Variants in SMTN observed in about 807,000 individuals in gnomAD.
The protein encoded by SMTN is smoothelin.
A neutral mutation model predicts 102.0 loss-of-function variants in SMTN; 58 were observed. The ratio of observed to expected loss-of-function variants is 0.57; its 90% CI spans 0.46 to 0.71. The LOEUF (loss-of-function observed/expected upper bound fraction) is 0.71, where lower values mean the gene tolerates loss of function less well. SMTN is among the 30% of genes least tolerant of loss of function. SMTN has a pLI of 0.00. For synonymous variants in SMTN, 478 were observed against 497.9 expected (o/e 0.96, Z 0.53); for missense variants, 1,185 against 1,241.7 (o/e 0.95, Z 0.69).
chr22:31,070,652 G>A (rs11705250), intron 1 of SMTN, among the ~76,000 whole-genome samples: 34,969 of 151,514 alleles, frequency 0.23, 5,233 homozygotes, highest in African/African-American at 0.43. Flanking sequence ...AGCCGGGCAC[G>A]ATGGCTCATG....
At chr22:31,090,743 A>G in intron 8 of SMTN, 65 bp from the exon 9 acceptor site, 1 of 1,262,862 alleles carries the variant, frequency 7.9e-7, no homozygotes, top group Non-Finnish European at 1.2e-6. Flanking sequence ...TGAAAGGTGG[A>G]CACCCACTAT....
intron 2 of SMTN, among the ~76,000 whole-genome samples, chr22:31,083,886 G>A (rs921989548): frequency 6.6e-6 from 1 of 152,228 alleles, no homozygotes; most frequent in African/African-American, 2.4e-5. Flanking sequence ...GGAAAGTCAA[G>A]GCTGGACGAG....
At chr22:31,099,039 T>C (rs750777311) in intron 17 of SMTN, 23 bp from the exon 18 acceptor site, 1 of 1,603,136 alleles carries the variant, frequency 6.2e-7, no homozygotes, top group South Asian at 1.1e-5. Flanking sequence ...TCGTGTGACC[T>C]GGTCCTGACA....
rs559032720 is a variant in SMTN at position 31,094,614 on chromosome 22, G to A, written c.1633-689G>A. Among the ~76,000 whole-genome samples, 32 of 151,900 alleles carry A rather than the reference G, an allele frequency of 2.1e-4. 1 individual carries two copies. In the East Asian group the frequency reaches 2.3e-3, roughly 11 times the overall value. ...TCCCAGGCTGCATCACACTTAGAGA[G>A]AGACTGTGGGCAAGTCAGTTAGCTG... On this transcript the variant is annotated intron_variant, in intron 11 of 20. Transcript: ENST00000333137.
intron 1 of SMTN, chr22:31,067,788 G>A (rs2041894844): frequency 6.6e-6 from 1 of 152,106 alleles, no homozygotes; most frequent in South Asian, 2.1e-4. Context: ...TCGATCTCCT[G>A]ACCTTGTGAT....
chr22:31,098,983 G>A, intron 17 of SMTN, 79 bp from the exon 18 acceptor site: 1 of 1,541,816 alleles, frequency 6.5e-7, no homozygotes, highest in Non-Finnish European at 8.9e-7. Context: ...TGGAAGGCGG[G>A]GCCTGGGATC....
chr22:31,086,060 C>T (rs539110977), intron 2 of SMTN, among the ~76,000 whole-genome samples: 8 of 152,380 alleles, frequency 5.3e-5, no homozygotes, highest in Non-Finnish European at 8.8e-5. Context: ...CCTCCAGCCC[C>T]CAGCCTCCAA....
intron 20 of SMTN, chr22:31,101,395 C>T: frequency 4.3e-6 from 1 of 232,406 alleles, no homozygotes; most frequent in Non-Finnish European, 8.6e-6. Context: ...GAGGAATCAG[C>T]CTAGGCTTAG....
At chr22:31,093,548 G>A (rs755374311) in intron 11 of SMTN, 30 of 716,808 alleles carry the variant, frequency 4.2e-5, no homozygotes, top group Non-Finnish European at 7.0e-5. Flanking sequence ...GAAGCAGGCC[G>A]GGTGGCAGTG....
At chr22:31,103,261 T>C (rs960896365) in intron 20 of SMTN, 2 of 152,204 alleles carry the variant, frequency 1.3e-5, no homozygotes, top group Non-Finnish European at 2.9e-5. Flanking sequence ...CATTATGCCT[T>C]CCCTGCCATA....
At chr22:31,083,105 AGTAAG>A (rs2042421743) in intron 1 of SMTN, 69 bp from the exon 2 acceptor site, 2 of 1,535,078 alleles carry the variant, frequency 1.3e-6, no homozygotes, top group African/African-American at 2.7e-5. Context: ...AGAGAGGGAA[AGTAAG>A]GCACAGAGCC....
At chr22:31,070,288 G>C in intron 1 of SMTN, among the ~76,000 whole-genome samples, 1 of 152,138 alleles carries the variant, frequency 6.6e-6, no homozygotes, top group East Asian at 1.9e-4. Flanking sequence ...TTTTGAACAA[G>C]GAGCTCCGTT....
upstream of SMTN, among the ~76,000 whole-genome samples, chr22:31,079,500 G>C (rs2042211655): frequency 6.6e-6 from 1 of 152,264 alleles, no homozygotes; most frequent in African/African-American, 2.4e-5. Context: ...ATTCATTGGA[G>C]CTGGTGACCG....
chr22:31,087,970 G>A lies in SMTN; in HGVS notation c.57G>A (p.Glu19=). ...LDEGALRKLL[E]VTADLAERRR... is the part of the protein sequence containing the mutation. Reference sequence around the variant, plus strand: ...GCCTCTCGCACCCACTGCAGCTGGAGGTCACAGCAGATCTGGCAGAGCGGC... The same window carrying A: ...GCCTCTCGCACCCACTGCAGCTGGAAGTCACAGCAGATCTGGCAGAGCGGC... The change falls in exon 3 of 21, where the codon GAG becomes GAA. Residue 19 remains glutamate (E), a synonymous_variant. Coordinates refer to ENST00000333137, the MANE Select transcript of SMTN (RefSeq NM_134269.3). 6.3e-7 allele frequency: 1 copy of A among 1,595,840 alleles called. No homozygotes were observed. Among genetic ancestry groups the A allele is most frequent in the Non-Finnish European group, 8.6e-7 (1 of 1,167,634 alleles).
At chr22:31,081,129 C>T (rs373843563), upstream of SMTN, among the ~76,000 whole-genome samples, 6 of 152,082 alleles carry the variant, frequency 3.9e-5, no homozygotes, top group East Asian at 9.7e-4. Context: ...AGGCAGACGA[C>T]CCCAAGACTC....
At chr22:31,085,515 A>G (rs1447653791) in intron 2 of SMTN, among the ~76,000 whole-genome samples, 8 of 152,298 alleles carry the variant, frequency 5.3e-5, no homozygotes, top group Admixed American at 3.9e-4. Flanking sequence ...GCGAGGGCAG[A>G]GAGTACACGG....
In SMTN at chr22:31,091,180, C is replaced by G. The variant is rs1602632073; in HGVS notation, c.1157C>G (p.Pro386Arg). Residue 386 changes from proline (P) to arginine (R), a missense_variant, in exon 10 of 21, where the codon CCC becomes CGC. This residue lies in a region of SMTN where 1,096 missense variants were observed against 1,112.7 expected (regional missense o/e 0.98). Transcript: ENST00000333137. ...TCCAGCGGCTCCTCCTCTCGGGGCC[C>G]CAGTGATACCTCCTCCCGGTTCAGC... ...SSSSGSSSRG[P>R]SDTSSRFSKE... The G allele has an allele frequency of 1.9e-6, 3 of 1,613,456 alleles. No individual in the cohort carries two copies. The African/African-American group carries it at 4.0e-5, about 22-fold the overall frequency.
upstream of SMTN, among the ~76,000 whole-genome samples, chr22:31,079,720 C>G (rs1007067444): frequency 1.3e-5 from 2 of 152,226 alleles, no homozygotes; most frequent in African/African-American, 4.8e-5. Context: ...GTTTGCCTCT[C>G]CTGCTGTGTA....
chr22:31,097,078 C>T lies in SMTN; in HGVS notation c.2089+18C>T, dbSNP rs139193105. ...CTCGGAGAGTAAGGCCACCTGGTGT[C>T]GCCCTGTGCCTGCCTGCCTGTCCGC... On this transcript the variant is annotated intron_variant, in intron 15 of 20. Transcript: ENST00000333137. The T allele has an allele frequency of 1.8e-3, 2,823 of 1,612,256 alleles. 9 individuals are homozygous for T. The highest frequency in any genetic ancestry group is 3.3e-3 in the South Asian group (301 of 91,018).
Sources: allele counts gnomAD v4.1 joint callset (sites outside exome capture counted in the v4.1 genomes callset), GRCh38; gene constraint gnomAD v4.1.1; regional missense constraint gnomAD v4.1.1; transcripts MANE v1.5; gene names NCBI Gene and HGNC (gene_info 2026-07-23, HGNC 2026-07-21).